The following IMMP2L variants were observed in gnomAD, a reference collection of about 807,000 sequenced individuals.
IMMP2L encodes the protein inner mitochondrial membrane peptidase subunit 2.
A neutral mutation model predicts 19.3 loss-of-function variants in IMMP2L; 18 were observed. That is an observed-to-expected ratio of 0.93 (90% CI 0.64 to 1.38). IMMP2L has a LOEUF of 1.38. IMMP2L is among the 40% of genes most tolerant of loss of function. IMMP2L has a pLI of 0.00. For missense variants in IMMP2L, 233 were observed against 218.2 expected (o/e 1.07, Z -0.43); for synonymous variants, 76 against 73.0 (o/e 1.04, Z -0.21).
chr7:111,023,851 A>T (rs758293122), intron 3 of IMMP2L, among the ~76,000 whole-genome samples: 4 of 152,208 alleles, frequency 2.6e-5, no homozygotes, highest in Non-Finnish European at 4.4e-5. Context: ...ATTGCTATGG[A>T]TGAGGAGTCC....
chr7:111,358,515 C>G (rs192924286), intron 3 of IMMP2L, among the ~76,000 whole-genome samples: 10 of 152,060 alleles, frequency 6.6e-5, no homozygotes, highest in African/African-American at 2.2e-4. Context: ...AATGCCTAAG[C>G]TCAATTAGAA....
At chr7:110,769,249 T>A (rs758555380) in intron 5 of IMMP2L, among the ~76,000 whole-genome samples, 1 of 152,230 alleles carries the variant, frequency 6.6e-6, no homozygotes, top group Non-Finnish European at 1.5e-5. Context: ...TTATACTTTA[T>A]GTCCAGCCTT....
intron 3 of IMMP2L, among the ~76,000 whole-genome samples, chr7:111,418,445 G>C (rs1288038526): frequency 6.6e-6 from 1 of 151,516 alleles, no homozygotes; most frequent in Non-Finnish European, 1.5e-5. Context: ...CTGAATTCTA[G>C]GATTTAAAAG....
At chr7:111,310,925 G>T (rs116448729) in intron 3 of IMMP2L, among the ~76,000 whole-genome samples, 1 of 152,136 alleles carries the variant, frequency 6.6e-6, no homozygotes, top group Non-Finnish European at 1.5e-5. Flanking sequence ...GGTTTCTAAC[G>T]CCTATTCTCC....
intron 5 of IMMP2L, among the ~76,000 whole-genome samples, chr7:110,696,405 A>G (rs1458041014): frequency 6.7e-6 from 1 of 149,844 alleles, no homozygotes; most frequent in Non-Finnish European, 1.5e-5. Flanking sequence ...AAGTATCTGC[A>G]CTGAGACATT....
intron 3 of IMMP2L, among the ~76,000 whole-genome samples, chr7:111,447,051 A>C (rs1438736995): frequency 2.4e-4 from 34 of 142,342 alleles, no homozygotes; most frequent in Admixed American, 5.6e-4. Flanking sequence ...GAAATATGGG[A>C]CTATGTGAAA....
intron 5 of IMMP2L, among the ~76,000 whole-genome samples, chr7:110,737,946 C>T (rs561830858): frequency 5.1e-4 from 78 of 152,216 alleles, no homozygotes; most frequent in African/African-American, 1.8e-3. Flanking sequence ...TGGCTAGACC[C>T]AGAAGAGCAG....
chr7:110,955,955 G>A (rs79850819), intron 4 of IMMP2L, among the ~76,000 whole-genome samples: 2,427 of 151,862 alleles, frequency 0.016, 65 homozygotes, highest in African/African-American at 0.055. Flanking sequence ...TATTAAACAA[G>A]CATCATTTGT....
At chr7:111,105,202 T>C (rs138548127) in intron 3 of IMMP2L, among the ~76,000 whole-genome samples, 19 of 152,014 alleles carry the variant, frequency 1.2e-4, no homozygotes, top group African/African-American at 4.3e-4. Flanking sequence ...TTGATTCTTC[T>C]TCATGAAATA....
intron 3 of IMMP2L, among the ~76,000 whole-genome samples, chr7:111,240,656 T>A (rs2077775975): frequency 6.6e-6 from 1 of 151,982 alleles, no homozygotes; most frequent in South Asian, 2.1e-4. Context: ...CAGTCCCATT[T>A]TCTTTTAACA....
intron 4 of IMMP2L, among the ~76,000 whole-genome samples, chr7:110,939,642 G>A (rs1279338601): frequency 6.6e-6 from 1 of 152,098 alleles, no homozygotes; most frequent in African/African-American, 2.4e-5. Flanking sequence ...GTTTATGGAA[G>A]ATAACAAATA....
At chr7:111,011,701 G>C (rs1031325569) in intron 3 of IMMP2L, among the ~76,000 whole-genome samples, 1 of 152,178 alleles carries the variant, frequency 6.6e-6, no homozygotes, top group Non-Finnish European at 1.5e-5. Flanking sequence ...CAACTGACAA[G>C]AGTGTCAGTG....
chr7:111,197,331 C>T (rs1257128815), intron 3 of IMMP2L, among the ~76,000 whole-genome samples: 2 of 151,948 alleles, frequency 1.3e-5, no homozygotes, highest in South Asian at 2.1e-4. Flanking sequence ...GGCGTGGTGG[C>T]GGGCGCCTGT....
chr7:111,159,987 G>A (rs1434584516), intron 3 of IMMP2L, among the ~76,000 whole-genome samples: 1 of 151,984 alleles, frequency 6.6e-6, no homozygotes, highest in African/African-American at 2.4e-5. Context: ...AACTTGCACA[G>A]TGCAGCTTCA....
At chr7:110,955,106 A>G (rs1307659689) in intron 4 of IMMP2L, among the ~76,000 whole-genome samples, 1 of 152,138 alleles carries the variant, frequency 6.6e-6, no homozygotes, top group East Asian at 1.9e-4. Context: ...AAATATATGT[A>G]AAGAGACTAT....
intron 3 of IMMP2L, among the ~76,000 whole-genome samples, chr7:111,395,413 A>G (rs1372376210): frequency 1.3e-5 from 2 of 152,342 alleles, no homozygotes; most frequent in East Asian, 3.9e-4. Flanking sequence ...ACATTACTAC[A>G]TGAACTCAGT....
At chr7:110,846,180 T>C (rs572788460) in intron 5 of IMMP2L, among the ~76,000 whole-genome samples, 5 of 152,186 alleles carry the variant, frequency 3.3e-5, no homozygotes, top group South Asian at 2.1e-4. Context: ...TTAGAAAATA[T>C]ACAGCCTTTC....
chr7:110,748,808 C>T (rs902077585), intron 5 of IMMP2L, among the ~76,000 whole-genome samples: 7 of 152,144 alleles, frequency 4.6e-5, no homozygotes, highest in Non-Finnish European at 8.8e-5. Context: ...AGAAGAAAAC[C>T]TAGCCAATAC....
At chr7:110,725,223 C>A (rs563759153) in intron 5 of IMMP2L, among the ~76,000 whole-genome samples, 1 of 152,108 alleles carries the variant, frequency 6.6e-6, no homozygotes, top group African/African-American at 2.4e-5. Context: ...AAACCAGAAA[C>A]GACAATTTGT....
Sources: allele counts gnomAD v4.1 joint callset (sites outside exome capture counted in the v4.1 genomes callset), GRCh38; gene constraint gnomAD v4.1.1; transcripts MANE v1.5; gene names NCBI Gene and HGNC (gene_info 2026-07-23, HGNC 2026-07-21).